The following NRCAM variants were observed in gnomAD, a reference collection of about 807,000 sequenced individuals.
The protein encoded by NRCAM is NgCAM-related cell adhesion molecule.
Under a neutral mutation model 156.5 loss-of-function variants are expected in NRCAM, and 83 were observed. That is an observed-to-expected ratio of 0.53 (90% confidence interval 0.44 to 0.64). The LOEUF (loss-of-function observed/expected upper bound fraction) is 0.64, where lower values mean the gene tolerates loss of function less well. Among genes scored for constraint, NRCAM ranks in the 30% least tolerant of loss-of-function variants. The probability of loss-of-function intolerance (pLI) is 0.00; values close to 1 mark genes in which losing one functional copy is unlikely to be tolerated. For synonymous variants in NRCAM, 538 were observed against 563.9 expected (o/e 0.95, Z 0.65); for missense variants, 1,417 against 1,597.3 (o/e 0.89, Z 1.92).
At chr7:108,189,850 C>T (rs745727829) in intron 19 of NRCAM, 104 bp from the exon 20 acceptor site, 6 of 599,948 alleles carry the variant, frequency 1.0e-5, no homozygotes, top group African/African-American at 1.9e-5. Flanking sequence ...AGACACAGCA[C>T]ACTTGATAGT....
intron 32 of NRCAM, among the ~76,000 whole-genome samples, chr7:108,152,930 G>A (rs2042627988): frequency 6.6e-6 from 1 of 152,084 alleles, no homozygotes; most frequent in Non-Finnish European, 1.5e-5. Flanking sequence ...GGTTAGACAT[G>A]GAATAACAGA....
chr7:108,280,341 T>C (rs1476759315), intron 3 of NRCAM, among the ~76,000 whole-genome samples: 2 of 152,252 alleles, frequency 1.3e-5, no homozygotes, highest in African/African-American at 4.8e-5. Flanking sequence ...ACTCCCTCTC[T>C]GCCAAGGACG....
chr7:108,402,163 A>G (rs887283500), intron 1 of NRCAM, among the ~76,000 whole-genome samples: 8 of 152,230 alleles, frequency 5.3e-5, no homozygotes, highest in Non-Finnish European at 8.8e-5. Flanking sequence ...TCTCTGGAAC[A>G]TCATTCACAA....
Position 108,246,155 on chromosome 7 carries a change from T to G in NRCAM, c.-106-5985A>C, listed in dbSNP as rs1589816733. Among the ~76,000 whole-genome samples the G allele has an allele frequency of 2.0e-5, 3 of 152,292 alleles. No individual in the cohort carries two copies. In the South Asian group the frequency reaches 6.2e-4, roughly 32 times the overall value. ...CTTTGCAAACGAAAGGGAATTTCCT[T>G]CTTTATCCCACCTTCCAATCCAATC... is the stretch of plus-strand genomic sequence containing the variant. On this transcript the variant is annotated intron_variant, in intron 3 of 32. Coordinates refer to ENST00000379028, the MANE Select transcript of NRCAM (RefSeq NM_001037132.4).
At chr7:108,324,880 T>A (rs1010700597) in intron 2 of NRCAM, among the ~76,000 whole-genome samples, 18,186 of 47,846 alleles carry the variant, frequency 0.38, 2,330 homozygotes, top group East Asian at 0.6. Context: ...CACTGTACTT[T>A]TTTTTTTTTT....
chr7:108,448,811 AT>A (rs879577035), intron 1 of NRCAM, among the ~76,000 whole-genome samples: 1 of 152,180 alleles, frequency 6.6e-6, no homozygotes, highest in African/African-American at 2.4e-5. Flanking sequence ...CACTTCATAA[AT>A]ATACTTATCT....
At chr7:108,231,633 G>T (rs2094344253) in intron 7 of NRCAM, among the ~76,000 whole-genome samples, 1 of 152,060 alleles carries the variant, frequency 6.6e-6, no homozygotes, top group Non-Finnish European at 1.5e-5. Flanking sequence ...AAAATGAGCT[G>T]GTTTTAAACA....
chr7:108,252,542 T>TA (rs1467935154), intron 3 of NRCAM, among the ~76,000 whole-genome samples: 1 of 152,162 alleles, frequency 6.6e-6, no homozygotes, highest in Non-Finnish European at 1.5e-5. Context: ...AAATAAAAGT[T>TA]AAAAAAATAC....
intron 3 of NRCAM, among the ~76,000 whole-genome samples, chr7:108,245,312 A>T (rs939715790): frequency 3.9e-4 from 59 of 152,090 alleles, no homozygotes; most frequent in African/African-American, 1.3e-3. Context: ...CAGAATTACC[A>T]AGTTTAGTTA....
intron 13 of NRCAM, 92 bp from the exon 14 acceptor site, chr7:108,198,191 T>A (rs372949996): frequency 3.2e-5 from 32 of 1,006,986 alleles, no homozygotes; most frequent in East Asian, 2.3e-4. Context: ...AAATAAAGAC[T>A]GCTCTAAGTA....
At chr7:108,356,588 G>C (rs1443420308) in intron 2 of NRCAM, among the ~76,000 whole-genome samples, 1 of 152,090 alleles carries the variant, frequency 6.6e-6, no homozygotes, top group East Asian at 1.9e-4. Flanking sequence ...CTTTTTTTGA[G>C]AGAGAGAAAA....
chr7:108,343,855 CA>C (rs1035356307), intron 2 of NRCAM, among the ~76,000 whole-genome samples: 1 of 152,178 alleles, frequency 6.6e-6, no homozygotes, highest in African/African-American at 2.4e-5. Flanking sequence ...CCATACATTT[CA>C]ATCACCATAC....
intron 13 of NRCAM, among the ~76,000 whole-genome samples, chr7:108,198,855 G>C (rs969222257): frequency 7.2e-5 from 11 of 152,120 alleles, no homozygotes; most frequent in African/African-American, 2.4e-4. Context: ...GTATTAAAAC[G>C]TTAGGAACAG....
At chr7:108,238,507 C>G (rs374088753) in intron 4 of NRCAM, among the ~76,000 whole-genome samples, 7 of 152,212 alleles carry the variant, frequency 4.6e-5, no homozygotes, top group African/African-American at 1.7e-4. Context: ...ATAGGAGCAC[C>G]TGGGTTTTTC....
chr7:108,439,987 T>C (rs150969833), intron 1 of NRCAM, among the ~76,000 whole-genome samples: 24 of 152,056 alleles, frequency 1.6e-4, no homozygotes, highest in African/African-American at 5.3e-4. Flanking sequence ...AATATAAATA[T>C]ACCATACAAG....
chr7:108,428,161 A>G (rs1052099192), intron 1 of NRCAM, among the ~76,000 whole-genome samples: 1 of 152,238 alleles, frequency 6.6e-6, no homozygotes, highest in African/African-American at 2.4e-5. Flanking sequence ...CTTCAATGAC[A>G]TTAGTCACAA....
intron 3 of NRCAM, among the ~76,000 whole-genome samples, chr7:108,309,544 C>T (rs1452149762): frequency 6.6e-6 from 1 of 152,118 alleles, no homozygotes; most frequent in South Asian, 2.1e-4. Flanking sequence ...ATTTTGATAG[C>T]TGTCTTTACT....
At chr7:108,353,218 G>T (rs532702945) in intron 2 of NRCAM, among the ~76,000 whole-genome samples, 7 of 152,090 alleles carry the variant, frequency 4.6e-5, no homozygotes, top group Non-Finnish European at 8.8e-5. Context: ...TTTCTACACT[G>T]AGCACCAGAA....
chr7:108,409,437 A>C (rs1442583738), intron 1 of NRCAM, among the ~76,000 whole-genome samples: 1 of 152,072 alleles, frequency 6.6e-6, no homozygotes, highest in Non-Finnish European at 1.5e-5. Context: ...TCCTTCCCAA[A>C]CTTCCCCATC....
Sources: allele counts gnomAD v4.1 joint callset (sites outside exome capture counted in the v4.1 genomes callset), GRCh38; gene constraint gnomAD v4.1.1; transcripts MANE v1.5; gene names NCBI Gene and HGNC (gene_info 2026-07-23, HGNC 2026-07-21).